The following CHST9 variants were observed in gnomAD, a reference collection of about 807,000 sequenced individuals.
CHST9 encodes GalNAc-4-sulfotransferase 2.
Under a neutral mutation model 44.4 loss-of-function variants are expected in CHST9, and 41 were observed. The observed-to-expected ratio is 0.92, with a 90% CI of 0.72 to 1.20. CHST9 has a LOEUF of 1.20. Ranked by LOEUF, CHST9 falls within the 50% of genes most tolerant of loss-of-function variation. The pLI, the probability that CHST9 is intolerant of heterozygous loss-of-function variation, is 0.00. For missense variants in CHST9, 504 were observed against 516.5 expected (o/e 0.98, Z 0.23); for synonymous variants, 171 against 178.4 (o/e 0.96, Z 0.33).
In CHST9 at chr18:27,053,276, G is replaced by C. The variant is rs576289883; in HGVS notation, c.122-4773C>G. Among the ~76,000 whole-genome samples the C allele has an allele frequency of 1.9e-3, 247 of 130,056 alleles. 10 individuals are homozygous for C. The highest frequency in any genetic ancestry group is 7.2e-3 in the African/African-American group (236 of 32,902). The allele number at this position is 130,056 out of a possible 152,430, so 85.3% of individuals were successfully genotyped here. On this transcript the variant is annotated intron_variant, in intron 2 of 5. Coordinates refer to ENST00000618847, the MANE Select transcript of CHST9 (RefSeq NM_031422.6). ...AGAAGAAGAAGGAGAAGGAGAAGGA[G>C]AAGGAGAAGGAGAAGGAGAAGGAGA...
intron 2 of CHST9, among the ~76,000 whole-genome samples, chr18:27,113,405 G>A (rs2058291800): frequency 6.6e-6 from 1 of 151,874 alleles, no homozygotes; most frequent in Non-Finnish European, 1.5e-5. Context: ...TACTTTAAAA[G>A]GAAAAATAAA....
At chr18:26,957,876 T>C (rs568320315) in intron 4 of CHST9, among the ~76,000 whole-genome samples, 1 of 152,132 alleles carries the variant, frequency 6.6e-6, no homozygotes, top group South Asian at 2.1e-4. Context: ...TTTCTTTCTT[T>C]CTTTTTTGTT....
chr18:27,133,431 G>A (rs2058488689), intron 2 of CHST9, among the ~76,000 whole-genome samples: 1 of 152,150 alleles, frequency 6.6e-6, no homozygotes, highest in Non-Finnish European at 1.5e-5. Flanking sequence ...GAATACAAGA[G>A]ACTCAAAAAG....
Position 26,914,798 on chromosome 18 carries a change from G to A in CHST9, c.*1461C>T, listed in dbSNP as rs1268347653. The A allele has an allele frequency of 5.1e-6, 2 of 395,684 alleles. No individual in the cohort carries two copies. The highest frequency in any genetic ancestry group is 6.4e-4 in the Middle Eastern group (1 of 1,570). 24.5% of individuals were successfully genotyped at this position (395,684 alleles called of 1,614,324 possible). On this transcript the variant is annotated 3_prime_UTR_variant, in exon 6 of 6. Coordinates refer to ENST00000618847, the MANE Select transcript of CHST9 (RefSeq NM_031422.6). Reference sequence around the variant, plus strand: ...CAACTATTAATACCTACTGTTCTTTGAAAGCCATTACTGAATATTTACTGA... The same window carrying A: ...CAACTATTAATACCTACTGTTCTTTAAAAGCCATTACTGAATATTTACTGA...
intron 4 of CHST9, among the ~76,000 whole-genome samples, chr18:27,014,192 C>A (rs560651516): frequency 6.6e-6 from 1 of 152,208 alleles, no homozygotes; most frequent in South Asian, 2.1e-4. Flanking sequence ...TTAACACACA[C>A]ACACACAAAA....
chr18:27,072,419 C>T (rs931969769), intron 2 of CHST9, among the ~76,000 whole-genome samples: 7 of 151,978 alleles, frequency 4.6e-5, no homozygotes, highest in Non-Finnish European at 8.8e-5. Flanking sequence ...TGAAGACAGA[C>T]CATCTAGTTG....
At chr18:27,106,635 T>C (rs998712235) in intron 2 of CHST9, among the ~76,000 whole-genome samples, 20 of 152,236 alleles carry the variant, frequency 1.3e-4, no homozygotes, top group African/African-American at 4.8e-4. Context: ...TTATAGTTTG[T>C]TTTCTGGCTA....
At chr18:27,109,247 C>A (rs1198937187) in intron 2 of CHST9, among the ~76,000 whole-genome samples, 1 of 152,066 alleles carries the variant, frequency 6.6e-6, no homozygotes, top group Admixed American at 6.5e-5. Flanking sequence ...TGGGAGCTGG[C>A]GCATAAGTTA....
chr18:27,147,947 A>AT (rs1162813094), intron 1 of CHST9, among the ~76,000 whole-genome samples: 7 of 150,500 alleles, frequency 4.7e-5, no homozygotes, highest in African/African-American at 1.7e-4. Context: ...TGTTGTACAG[A>AT]TTATTTTGTC....
At chr18:27,057,148 G>C (rs2057665837) in intron 2 of CHST9, among the ~76,000 whole-genome samples, 1 of 152,212 alleles carries the variant, frequency 6.6e-6, no homozygotes, top group African/African-American at 2.4e-5. Context: ...ACAATTGGTA[G>C]TAGAATCTTG....
chr18:27,080,254 A>G (rs72882384), intron 2 of CHST9, among the ~76,000 whole-genome samples: 10,290 of 152,074 alleles, frequency 0.068, 439 homozygotes, highest in East Asian at 0.14. Context: ...TGACCAAAAA[A>G]TGGTTCAACC....
At chr18:27,144,521 A>C (rs779848137) in intron 1 of CHST9, among the ~76,000 whole-genome samples, 1 of 152,020 alleles carries the variant, frequency 6.6e-6, no homozygotes, top group Non-Finnish European at 1.5e-5. Flanking sequence ...TCTACAAAAA[A>C]TAAAATAGAT....
At chr18:26,957,566 C>CAAAAAA (rs200839830) in intron 4 of CHST9, among the ~76,000 whole-genome samples, 2 of 141,708 alleles carry the variant, frequency 1.4e-5, no homozygotes, top group African/African-American at 2.6e-5. Context: ...AACTACACTG[C>CAAAAAA]AAAAAAAAAA....
chr18:27,048,411 A>C, intron 3 of CHST9, 54 bp downstream of exon 3: 2 of 1,427,450 alleles, frequency 1.4e-6, no homozygotes, highest in South Asian at 1.3e-5. Context: ...AAAAAATTTA[A>C]AGGTGGAAAT....
At chr18:27,025,741 C>T (rs372233149) in intron 3 of CHST9, among the ~76,000 whole-genome samples, 109 of 152,144 alleles carry the variant, frequency 7.2e-4, no homozygotes, top group African/African-American at 2.4e-3. Context: ...TTGCTCCCAC[C>T]CAATTTATTG....
At chr18:27,040,630 G>A (rs1028442649) in intron 3 of CHST9, among the ~76,000 whole-genome samples, 8 of 152,182 alleles carry the variant, frequency 5.3e-5, no homozygotes, top group South Asian at 4.1e-4. Flanking sequence ...GTTGTCCTAC[G>A]AATGCTCTTA....
At chr18:26,930,068 C>G (rs1681365106) in intron 5 of CHST9, among the ~76,000 whole-genome samples, 1 of 152,178 alleles carries the variant, frequency 6.6e-6, no homozygotes, top group Non-Finnish European at 1.5e-5. Flanking sequence ...GTGTCAGCAC[C>G]TTTGAGTGAA....
chr18:26,945,031 C>T (rs956354876), intron 4 of CHST9, among the ~76,000 whole-genome samples: 2 of 151,866 alleles, frequency 1.3e-5, no homozygotes, highest in Admixed American at 1.3e-4. Context: ...AAGTGATCAA[C>T]GTTATGTATG....
At chr18:27,003,620 C>G (rs1407207914) in intron 4 of CHST9, among the ~76,000 whole-genome samples, 1 of 152,122 alleles carries the variant, frequency 6.6e-6, no homozygotes, top group Non-Finnish European at 1.5e-5. Context: ...GCTGAGACAT[C>G]TGATATTCCT....
Sources: allele counts gnomAD v4.1 joint callset (sites outside exome capture counted in the v4.1 genomes callset), GRCh38; gene constraint gnomAD v4.1.1; transcripts MANE v1.5; gene names NCBI Gene and HGNC (gene_info 2026-07-23, HGNC 2026-07-21).